The following LINC00305 variants were observed in gnomAD, a reference collection of about 807,000 sequenced individuals.
The protein encoded by LINC00305 is long independently transcribed non-coding RNA 305.
At chr18:64,117,473 C>T (rs111322724) in intron 1 of LINC00305, among the ~76,000 whole-genome samples, 2 of 152,074 alleles carry the variant, frequency 1.3e-5, no homozygotes, top group African/African-American at 2.4e-5. Context: ...CTTCAAAATC[C>T]GTGAATTTTA....
intron 1 of LINC00305, among the ~76,000 whole-genome samples, chr18:64,109,535 T>C (rs2051306043): frequency 6.6e-6 from 1 of 152,210 alleles, no homozygotes; most frequent in Non-Finnish European, 1.5e-5. Flanking sequence ...ATTGAGCCAT[T>C]TATTCATTGT....
intron 1 of LINC00305, among the ~76,000 whole-genome samples, chr18:64,117,605 A>C (rs2051343431): frequency 6.6e-6 from 1 of 152,120 alleles, no homozygotes; most frequent in South Asian, 2.1e-4. Flanking sequence ...GGACCCAGAG[A>C]AGTGTGCAGA....
intron 1 of LINC00305, among the ~76,000 whole-genome samples, chr18:64,100,457 T>C (rs1004210054): frequency 1.3e-5 from 2 of 152,156 alleles, no homozygotes; most frequent in Admixed American, 1.3e-4. Context: ...GGCTTCCCAG[T>C]ACAACTCGAA....
At chr18:64,092,529 T>C (rs781151629) in intron 3 of LINC00305, among the ~76,000 whole-genome samples, 4 of 152,234 alleles carry the variant, frequency 2.6e-5, no homozygotes, top group African/African-American at 4.8e-5. Context: ...ACCACTGCAC[T>C]CTAGTCTGAG....
At chr18:64,121,553 A>T (rs1427499076) in intron 1 of LINC00305, among the ~76,000 whole-genome samples, 1 of 152,110 alleles carries the variant, frequency 6.6e-6, no homozygotes, top group African/African-American at 2.4e-5. Flanking sequence ...ATAGTATTCC[A>T]TTGGGTATAT....
chr18:64,104,820 T>C (rs1317491298), intron 1 of LINC00305, among the ~76,000 whole-genome samples: 2 of 152,046 alleles, frequency 1.3e-5, no homozygotes, highest in African/African-American at 4.8e-5. Context: ...CTTATGTCCG[T>C]TTCTCCTGAA....
intron 1 of LINC00305, among the ~76,000 whole-genome samples, chr18:64,127,104 T>G (rs544304629): frequency 3.9e-5 from 6 of 152,226 alleles, no homozygotes; most frequent in Admixed American, 6.5e-5. Context: ...TAACCAATTT[T>G]GAAACCAAAT....
chr18:64,080,851 A>C (rs1197951874), intron 3 of LINC00305, among the ~76,000 whole-genome samples: 1 of 152,192 alleles, frequency 6.6e-6, no homozygotes, highest in Non-Finnish European at 1.5e-5. Context: ...TAAGTCTAGA[A>C]TCACCTTCAC....
intron 3 of LINC00305, among the ~76,000 whole-genome samples, chr18:64,091,031 G>A (rs1401377490): frequency 2.0e-5 from 3 of 152,212 alleles, no homozygotes; most frequent in East Asian, 1.9e-4. Context: ...AAGGAGGTAT[G>A]TGCTGCCCTG....
intron 1 of LINC00305, among the ~76,000 whole-genome samples, chr18:64,133,984 T>A (rs1483663598): frequency 6.6e-6 from 1 of 152,224 alleles, no homozygotes; most frequent in Non-Finnish European, 1.5e-5. Context: ...TATAGTGTTT[T>A]TTAAAAAGTA....
At chr18:64,093,229 T>C (rs1394313949) in intron 3 of LINC00305, among the ~76,000 whole-genome samples, 3 of 152,228 alleles carry the variant, frequency 2.0e-5, no homozygotes, top group African/African-American at 7.2e-5. Context: ...GGCTACTTTA[T>C]TACAAAAAGT....
intron 1 of LINC00305, among the ~76,000 whole-genome samples, chr18:64,105,268 C>A (rs2051285244): frequency 6.6e-6 from 1 of 151,730 alleles, no homozygotes; most frequent in African/African-American, 2.4e-5. Context: ...TGAGACCAGC[C>A]TGGCTAACAT....
intron 3 of LINC00305, among the ~76,000 whole-genome samples, chr18:64,091,599 G>A (rs186761190): frequency 2.0e-4 from 31 of 152,230 alleles, no homozygotes; most frequent in Admixed American, 3.3e-4. Flanking sequence ...GGTTTAGAGA[G>A]GTCAAGTCAT....
At chr18:64,123,208 T>C (rs763050788) in intron 1 of LINC00305, among the ~76,000 whole-genome samples, 1 of 152,154 alleles carries the variant, frequency 6.6e-6, no homozygotes, top group Non-Finnish European at 1.5e-5. Flanking sequence ...GGATTTTTAG[T>C]ACTATGTTGA....
intron 3 of LINC00305, among the ~76,000 whole-genome samples, chr18:64,080,983 G>T (rs1452186704): frequency 6.6e-6 from 1 of 152,060 alleles, no homozygotes; most frequent in African/African-American, 2.4e-5. Context: ...ACAGATAAAA[G>T]AAATTGGTCT....
At chr18:64,148,732 T>A (rs145001192) in intron 1 of LINC00305, 215 of 152,210 alleles carry the variant, frequency 1.4e-3, no homozygotes, top group African/African-American at 5.0e-3. Context: ...TACTTTCTTT[T>A]TTTTCAAAGT....
chr18:64,101,911 GCTGA>G (rs1391776694), intron 1 of LINC00305, among the ~76,000 whole-genome samples: 2 of 152,078 alleles, frequency 1.3e-5, no homozygotes, highest in Non-Finnish European at 1.5e-5. Flanking sequence ...CTTGAATGTG[GCTGA>G]CTCTTTTGGG....
At chr18:64,141,318 A>T (rs2051462157) in intron 1 of LINC00305, among the ~76,000 whole-genome samples, 1 of 152,278 alleles carries the variant, frequency 6.6e-6, no homozygotes, top group East Asian at 1.9e-4. Flanking sequence ...GAACCAAATG[A>T]TTTCTTAAGC....
intron 1 of LINC00305, among the ~76,000 whole-genome samples, chr18:64,131,186 C>T (rs2051408332): frequency 6.6e-6 from 1 of 152,170 alleles, no homozygotes; most frequent in Non-Finnish European, 1.5e-5. Flanking sequence ...ATATGTGTTA[C>T]TAAAAGAGTT....
Sources: allele counts gnomAD v4.1 joint callset (sites outside exome capture counted in the v4.1 genomes callset), GRCh38; gene constraint gnomAD v4.1.1; transcripts MANE v1.5; gene names NCBI Gene and HGNC (gene_info 2026-07-23, HGNC 2026-07-21).